Variants in PRKD1 observed in about 807,000 individuals in gnomAD.
PRKD1 encodes serine/threonine-protein kinase D1.
PRKD1 carries 63 observed loss-of-function variants against 95.9 expected under a neutral mutation model. The observed-to-expected ratio is 0.66, with a 90% CI of 0.54 to 0.81. The LOEUF is 0.81. Among genes scored for constraint, PRKD1 ranks in the 30% least tolerant of loss-of-function variants. The pLI, the probability that PRKD1 is intolerant of heterozygous loss-of-function variation, is 0.00. For synonymous variants in PRKD1, 425 were observed against 423.1 expected, an observed-to-expected ratio of 1.00 and a Z score of -0.05; for missense variants, 1,048 against 1,165.3, an observed-to-expected ratio of 0.90 and a Z score of 1.47.
Position 29,663,849 on chromosome 14 carries a change from C to T in PRKD1, c.546G>A (p.Leu182=), listed in dbSNP as rs750336161. 1 of 1,613,518 alleles carries T rather than the reference C, an allele frequency of 6.2e-7. No homozygotes were observed. The highest frequency in any genetic ancestry group is 1.1e-5 in the South Asian group (1 of 91,038). The change falls in exon 4 of 18, where the codon CTG becomes CTA. Residue 182 remains leucine (L), a synonymous_variant. Transcript: ENST00000331968. The part of the protein sequence containing the change: ...RQGLKCEGCG[L]NYHKRCAFKI... ...TAAATGCACATCTCTTATGGTAATT[C>T]AGACCACACCCTGGAAAGGGAAAAT...
chr14:29,877,750 A>G (rs1417168977), intron 1 of PRKD1, among the ~76,000 whole-genome samples: 1 of 152,200 alleles, frequency 6.6e-6, no homozygotes, highest in African/African-American at 2.4e-5. Context: ...GCACTTCCTT[A>G]AAGAGCTAAA....
intron 1 of PRKD1, among the ~76,000 whole-genome samples, chr14:29,859,476 C>T (rs190675129): frequency 2.6e-4 from 39 of 151,898 alleles, no homozygotes; most frequent in South Asian, 2.1e-4. Flanking sequence ...GGCATAGTGG[C>T]GGGCGCCTGT....
chr14:29,883,653 A>C (rs558589075), intron 1 of PRKD1, among the ~76,000 whole-genome samples: 1 of 152,204 alleles, frequency 6.6e-6, no homozygotes, highest in Non-Finnish European at 1.5e-5. Flanking sequence ...TTTCTGAGTT[A>C]TACTTGATGG....
chr14:29,669,736 C>T (rs907196793), intron 2 of PRKD1, among the ~76,000 whole-genome samples: 12 of 152,066 alleles, frequency 7.9e-5, no homozygotes, highest in African/African-American at 2.7e-4. Context: ...GGCATGGTGG[C>T]ATGCACCTGT....
At chr14:29,838,775 C>A (rs78085487) in intron 1 of PRKD1, among the ~76,000 whole-genome samples, 17,188 of 152,016 alleles carry the variant, frequency 0.11, 1,094 homozygotes, top group East Asian at 0.25. Context: ...AATTTTTGCA[C>A]CAAACTAAAC....
At chr14:29,650,819 A>G (rs1261460730) in intron 4 of PRKD1, among the ~76,000 whole-genome samples, 1 of 152,244 alleles carries the variant, frequency 6.6e-6, no homozygotes, top group East Asian at 1.9e-4. Context: ...TTGCAGCTGC[A>G]CAGCAAGAAG....
At chr14:29,748,372 C>G (rs1228088628) in intron 1 of PRKD1, among the ~76,000 whole-genome samples, 2 of 152,132 alleles carry the variant, frequency 1.3e-5, no homozygotes, top group Admixed American at 1.3e-4. Context: ...ATCACATAAG[C>G]CAAGAAGCCT....
At chr14:29,608,996 C>T (rs1878226795) in intron 13 of PRKD1, among the ~76,000 whole-genome samples, 1 of 152,130 alleles carries the variant, frequency 6.6e-6, no homozygotes, top group Non-Finnish European at 1.5e-5. Flanking sequence ...GACATGACTT[C>T]AACAAGACCA....
At chr14:29,830,599 A>G (rs896371026) in intron 1 of PRKD1, among the ~76,000 whole-genome samples, 2 of 152,176 alleles carry the variant, frequency 1.3e-5, no homozygotes, top group African/African-American at 4.8e-5. Flanking sequence ...CTTTTAATCA[A>G]TACATTAAAA....
At chr14:29,792,691 T>C (rs1277159631) in intron 1 of PRKD1, among the ~76,000 whole-genome samples, 1 of 152,102 alleles carries the variant, frequency 6.6e-6, no homozygotes, top group African/African-American at 2.4e-5. Flanking sequence ...AGACATGGCA[T>C]TGTTGAAAAA....
intron 13 of PRKD1, among the ~76,000 whole-genome samples, chr14:29,607,154 C>T (rs1376651491): frequency 6.6e-6 from 1 of 152,160 alleles, no homozygotes; most frequent in Admixed American, 6.5e-5. Context: ...GATTTGGGCC[C>T]AATGTCCCCC....
intron 1 of PRKD1, among the ~76,000 whole-genome samples, chr14:29,818,400 A>G (rs1293703848): frequency 6.6e-6 from 1 of 152,226 alleles, no homozygotes; most frequent in Non-Finnish European, 1.5e-5. Context: ...TATCTATTAA[A>G]TATTCATGTA....
chr14:29,619,704 G>A (rs1879117981), intron 13 of PRKD1, among the ~76,000 whole-genome samples: 1 of 152,294 alleles, frequency 6.6e-6, no homozygotes, highest in African/African-American at 2.4e-5. Context: ...TTAGAGTAGT[G>A]CTCATGTATC....
At chr14:29,917,274 T>A (rs374194245) in intron 1 of PRKD1, among the ~76,000 whole-genome samples, 14 of 152,316 alleles carry the variant, frequency 9.2e-5, no homozygotes, top group African/African-American at 3.4e-4. Context: ...TATGATGGAT[T>A]TAGACAACCT....
At chr14:29,792,713 A>G (rs1889600884) in intron 1 of PRKD1, among the ~76,000 whole-genome samples, 1 of 152,122 alleles carries the variant, frequency 6.6e-6, no homozygotes, top group African/African-American at 2.4e-5. Flanking sequence ...TCAGGCAAAA[A>G]GACAAGTTTC....
At chr14:29,608,329 G>A (rs1347112231) in intron 13 of PRKD1, among the ~76,000 whole-genome samples, 3 of 152,028 alleles carry the variant, frequency 2.0e-5, no homozygotes, top group South Asian at 2.1e-4. Context: ...TCCTCATTTA[G>A]TGAATGAAAA....
chr14:29,827,399 C>T (rs530368323), intron 1 of PRKD1, among the ~76,000 whole-genome samples: 2 of 152,142 alleles, frequency 1.3e-5, no homozygotes, highest in South Asian at 4.1e-4. Context: ...GGCACAAAGA[C>T]AATTGGATGC....
chr14:29,588,759 G>T (rs1428786285), intron 16 of PRKD1, among the ~76,000 whole-genome samples: 1 of 150,896 alleles, frequency 6.6e-6, no homozygotes, highest in Non-Finnish European at 1.5e-5. Flanking sequence ...TGCACTAAAG[G>T]CATTTCCTAT....
chr14:29,699,775 A>G (rs1225069989), intron 2 of PRKD1, among the ~76,000 whole-genome samples: 1 of 152,166 alleles, frequency 6.6e-6, no homozygotes, highest in Non-Finnish European at 1.5e-5. Context: ...CCTATGGTAT[A>G]ACACATTCTT....
Sources: allele counts gnomAD v4.1 joint callset (sites outside exome capture counted in the v4.1 genomes callset), GRCh38; gene constraint gnomAD v4.1.1; transcripts MANE v1.5; gene names NCBI Gene and HGNC (gene_info 2026-07-23, HGNC 2026-07-21).